Variants in ERCC6 observed in about 807,000 individuals in gnomAD.
ERCC6 encodes ERCC excision repair 6, chromatin remodeling factor.
In ERCC6, 116 loss-of-function variants were observed where a neutral mutation model predicts 158.7. The observed-to-expected ratio is 0.73, with a 90% CI of 0.63 to 0.85. ERCC6 has a LOEUF of 0.85. Ranked by LOEUF, ERCC6 falls within the 40% of genes least tolerant of loss-of-function variation. ERCC6 has a pLI of 0.00. For synonymous variants in ERCC6, 678 were observed against 659.3 expected (o/e 1.03, Z -0.43); for missense variants, 1,698 against 1,799.4 (o/e 0.94, Z 1.02).
At chr10:49,500,948 T>C (rs911357431) in intron 6 of ERCC6, 9 of 469,022 alleles carry the variant, frequency 1.9e-5, no homozygotes, top group Non-Finnish European at 3.5e-5. Context: ...GATGGGGTAA[T>C]TAGAGACTAT....
intron 7 of ERCC6, 82 bp from the exon 8 acceptor site, chr10:49,493,334 C>A: frequency 1.9e-6 from 3 of 1,550,532 alleles, no homozygotes; most frequent in Admixed American, 1.8e-5. Flanking sequence ...CCCAAAACAA[C>A]AAACAAAAAA....
intron 1 of ERCC6, among the ~76,000 whole-genome samples, chr10:49,534,263 C>T (rs543477404): frequency 6.6e-6 from 1 of 152,218 alleles, no homozygotes; most frequent in South Asian, 2.1e-4. Flanking sequence ...AAGGATCCCC[C>T]CTCACATAGT....
rs1489008250 is a variant in ERCC6, at chr10:49,524,407, C to A, written c.1023G>T (p.Gln341His). ...TTGGCAATCCCACTTTCCCCTGGAACTGCAAAGCCCTCTTCTGGAGTTTCT... is the reference window on the plus strand; with the variant it reads ...TTGGCAATCCCACTTTCCCCTGGAAATGCAAAGCCCTCTTCTGGAGTTTCT... ...HIKKLQKRALQFQGKVGLPKA... is the reference protein window; with the variant it reads ...HIKKLQKRALHFQGKVGLPKA... Residue 341 changes from glutamine (Q) to histidine (H), a missense_variant, in exon 5 of 21, where the codon CAG becomes CAT. Physicochemically the swap from Gln to His is conservative, Grantham distance 24. Transcript: ENST00000355832. The A allele has an allele frequency of 1.2e-6, 2 of 1,614,238 alleles. No homozygotes were observed. Among genetic ancestry groups the A allele is most frequent in the South Asian group, 2.2e-5 (2 of 91,086 alleles).
downstream of ERCC6, among the ~76,000 whole-genome samples, chr10:49,453,959 T>C (rs190243120): frequency 6.6e-6 from 1 of 152,354 alleles, no homozygotes; most frequent in Admixed American, 6.5e-5. Flanking sequence ...TCTGCATTTA[T>C]CATGCTGGAA....
At chr10:49,495,973 C>T (rs886803638) in intron 7 of ERCC6, among the ~76,000 whole-genome samples, 1 of 152,178 alleles carries the variant, frequency 6.6e-6, no homozygotes, top group Non-Finnish European at 1.5e-5. Flanking sequence ...AACACCTGGA[C>T]GTGGCCTACG....
intron 3 of ERCC6, among the ~76,000 whole-genome samples, chr10:49,530,208 G>A (rs1346147048): frequency 1.3e-5 from 2 of 152,216 alleles, no homozygotes; most frequent in East Asian, 3.8e-4. Context: ...GCGCCCAAGT[G>A]AGGCAAGCAA....
intron 10 of ERCC6, among the ~76,000 whole-genome samples, chr10:49,478,756 C>CT (rs1206588474): frequency 1.3e-5 from 2 of 152,170 alleles, no homozygotes; most frequent in African/African-American, 4.8e-5. Flanking sequence ...CTCTTATACA[C>CT]TTTCCTTTAA....
chr10:49,510,637 G>A (rs1297841333), intron 5 of ERCC6, among the ~76,000 whole-genome samples: 2 of 152,170 alleles, frequency 1.3e-5, no homozygotes, highest in African/African-American at 2.4e-5. Context: ...GAAGCCACCT[G>A]GGGACAAACA....
At chr10:49,529,519 C>T (rs1161173245) in intron 3 of ERCC6, among the ~76,000 whole-genome samples, 1 of 152,228 alleles carries the variant, frequency 6.6e-6, no homozygotes, top group Non-Finnish European at 1.5e-5. Context: ...GACCAGATGT[C>T]CTCTCTCTGA....
intron 18 of ERCC6, among the ~76,000 whole-genome samples, chr10:49,466,713 T>C (rs1850681603): frequency 6.6e-6 from 1 of 152,252 alleles, no homozygotes; most frequent in African/African-American, 2.4e-5. Context: ...CATCAGAGTA[T>C]GTACTAATCT....
In ERCC6 at chr10:49,532,614, G is replaced by A; in HGVS notation, c.351C>T (p.Ile117=). 1 of 1,614,222 alleles carries A rather than the reference G, an allele frequency of 6.2e-7. No homozygotes were observed. Among genetic ancestry groups the A allele is most frequent in the Non-Finnish European group, 8.5e-7 (1 of 1,180,038 alleles). ...QGVLQQVDNA[I]HEASRASQLV... is the part of the protein sequence containing the mutation. Reference sequence around the variant, plus strand: ...GCTGGGAGGCACGGCTGGCCTCATGGATGGCATTGTCCACCTGCTGAAGCA... The same window carrying A: ...GCTGGGAGGCACGGCTGGCCTCATGAATGGCATTGTCCACCTGCTGAAGCA... The change falls in exon 2 of 21, where the codon ATC becomes ATT. Residue 117 remains isoleucine (I), a synonymous_variant. Coordinates refer to ENST00000355832, the MANE Select transcript of ERCC6 (RefSeq NM_000124.4).
chr10:49,515,175 T>C (rs1488114552), intron 5 of ERCC6: 12 of 1,313,458 alleles, frequency 9.1e-6, no homozygotes, highest in African/African-American at 3.0e-5. Context: ...ATATGTTACC[T>C]AGAAAAATTC....
intron 5 of ERCC6, among the ~76,000 whole-genome samples, chr10:49,517,703 C>T (rs1180631003): frequency 6.6e-6 from 1 of 151,936 alleles, no homozygotes; most frequent in East Asian, 1.9e-4. Flanking sequence ...AGGCGCACAT[C>T]ACCACACCCA....
Position 49,500,572 on chromosome 10 carries a change from A to T in ERCC6, c.1651T>A (p.Tyr551Asn). ...QIIAFLAGLS[Y>N]SKIRTRGSNY... Reference sequence around the variant, plus strand: ...GAACCACGAGTCCTGATCTTGCTGTAGCTCAGACCTGCCAAGAAGGCAATT... The same window carrying T: ...GAACCACGAGTCCTGATCTTGCTGTTGCTCAGACCTGCCAAGAAGGCAATT... Residue 551 changes from tyrosine to asparagine, a missense_variant, in exon 7 of 21, where the codon TAC becomes AAC. Tyr to Asn is a moderately radical substitution (Grantham distance 143). Transcript: ENST00000355832. 10 of 1,613,976 alleles carry T rather than the reference A, an allele frequency of 6.2e-6. No homozygotes were observed. Among genetic ancestry groups the T allele is most frequent in the Non-Finnish European group, 8.5e-6 (10 of 1,179,886 alleles).
At chr10:49,453,737 T>C (rs1167499366), downstream of ERCC6, among the ~76,000 whole-genome samples, 1 of 149,530 alleles carries the variant, frequency 6.7e-6, no homozygotes, top group Non-Finnish European at 1.5e-5. Context: ...TTTTGAATAA[T>C]ACATTTGCTG....
intron 20 of ERCC6, 40 bp downstream of exon 20, chr10:49,460,333 C>A: frequency 7.2e-7 from 1 of 1,395,670 alleles, no homozygotes; most frequent in Non-Finnish European, 1.0e-6. Flanking sequence ...TTCAATCAAG[C>A]AAGTCTCACC....
In ERCC6 at chr10:49,524,689, A is replaced by G. The variant is rs769157895; in HGVS notation, c.741T>C (p.Pro247=). 2 of 1,612,526 alleles carry G rather than the reference A, an allele frequency of 1.2e-6. No individual in the cohort carries two copies. The highest frequency in any genetic ancestry group is 1.3e-5 in the African/African-American group (1 of 75,034). Residue 247 remains proline (P), a synonymous_variant, in exon 5 of 21, where the codon CCT becomes CCC. Coordinates refer to ENST00000355832, the MANE Select transcript of ERCC6 (RefSeq NM_000124.4). The part of the protein sequence containing the change: ...EELIRTGQMT[P]FGTQIPQKQE... The stretch of plus-strand genomic sequence containing the variant: ...GTTTCTGAGGGATCTGGGTACCAAA[A>G]GGTGTCATCTGGCCAGTGCGGATGA...
chr10:49,439,299 C>T, the ERCC6 span, among the ~76,000 whole-genome samples: 5 of 152,244 alleles, frequency 3.3e-5, no homozygotes, highest in East Asian at 9.6e-4. Flanking sequence ...CAATTCTTGT[C>T]TTCTGTGCAT....
chr10:49,514,132 TA>T (rs1032826441), intron 5 of ERCC6, among the ~76,000 whole-genome samples: 9 of 152,138 alleles, frequency 5.9e-5, no homozygotes, highest in African/African-American at 2.2e-4. Context: ...AATGTTGTCT[TA>T]AAAAAACATC....
Sources: gnomAD v4.1 joint callset for allele counts (sites outside exome capture counted in the v4.1 genomes callset) on GRCh38, gnomAD v4.1.1 for gene constraint, MANE v1.5 for transcripts, NCBI Gene and HGNC (gene_info 2026-07-23, HGNC 2026-07-21) for gene names.